Variants in UBE2E2 observed in about 807,000 individuals in gnomAD.
UBE2E2 encodes the protein ubiquitin-conjugating enzyme E2 E2.
Under a neutral mutation model 24.7 loss-of-function variants are expected in UBE2E2, and 6 were observed. The ratio of observed to expected loss-of-function variants is 0.24; its 90% CI spans 0.13 to 0.48. The LOEUF (loss-of-function observed/expected upper bound fraction) is 0.48, where lower values mean the gene tolerates loss of function less well. UBE2E2 is among the 20% of genes least tolerant of loss of function. The pLI is 0.99. For missense variants in UBE2E2, 169 were observed against 245.0 expected, an observed-to-expected ratio of 0.69 and a Z score of 2.07; for synonymous variants, 104 against 83.6, an observed-to-expected ratio of 1.24 and a Z score of -1.33.
chr3:23,472,922 G>T (rs1699058893), intron 3 of UBE2E2, among the ~76,000 whole-genome samples: 2 of 151,988 alleles, frequency 1.3e-5, no homozygotes, highest in South Asian at 4.1e-4. Flanking sequence ...CAGACTGCTG[G>T]AATTACAGGC....
At position 23,347,192 on chromosome 3, in the gene UBE2E2, C is replaced by A. The variant is rs545929053; in HGVS notation, c.227+129880C>A. On this transcript the variant is annotated intron_variant, in intron 3 of 5. Transcript: ENST00000396703. ...CTAGAAATACATTTGACCCAGCCAT[C>A]CCATTACTGGGTGTATACCCAAAGG... Among the ~76,000 whole-genome samples, 4 of 152,318 alleles carry A rather than the reference C, an allele frequency of 2.6e-5. No homozygotes were observed. In the South Asian group the frequency reaches 8.3e-4, roughly 32 times the overall value.
rs1299328925 is a variant in UBE2E2 at position 23,407,508 on chromosome 3, G to A, written c.228-92100G>A. 1.3e-5 allele frequency among the ~76,000 whole-genome samples: 2 copies of A among 151,954 alleles called. No individual in the cohort carries two copies. The highest frequency in any genetic ancestry group is 2.4e-5 in the African/African-American group (1 of 41,360). ...TGTAAAGAATTGATCCCCTGCTCCCGTACTCATCCCTCTTCTTTCACTACC... is the reference window on the plus strand; with the variant it reads ...TGTAAAGAATTGATCCCCTGCTCCCATACTCATCCCTCTTCTTTCACTACC... On this transcript the variant is annotated intron_variant, in intron 3 of 5. Coordinates refer to ENST00000396703, the MANE Select transcript of UBE2E2 (RefSeq NM_152653.4). The surrounding 1 kb of genome is among the most constrained non-coding windows in gnomAD (Gnocchi z 4.0).
chr3:23,485,634 G>T (rs1318617220), intron 3 of UBE2E2, among the ~76,000 whole-genome samples: 3 of 152,190 alleles, frequency 2.0e-5, no homozygotes, highest in Non-Finnish European at 4.4e-5. Flanking sequence ...CACTGTTTCA[G>T]AGTATGTGGG....
intron 3 of UBE2E2, among the ~76,000 whole-genome samples, chr3:23,341,622 G>GT (rs1442708243): frequency 6.6e-6 from 1 of 152,100 alleles, no homozygotes; most frequent in African/African-American, 2.4e-5. Context: ...TTTTAAAACT[G>GT]TGTCTCCCAC....
chr3:23,323,316 T>C (rs1361109363), intron 3 of UBE2E2, among the ~76,000 whole-genome samples: 5 of 152,098 alleles, frequency 3.3e-5, no homozygotes, highest in Non-Finnish European at 5.9e-5. Context: ...TATTTTTATG[T>C]TACTGGTTAG....
intron 3 of UBE2E2, among the ~76,000 whole-genome samples, chr3:23,419,505 A>G (rs184072295): frequency 2.6e-5 from 4 of 152,346 alleles, no homozygotes; most frequent in South Asian, 4.1e-4. Context: ...AGGACTTCAA[A>G]TAACACAGAG....
At chr3:23,390,346 G>T (rs951740024) in intron 3 of UBE2E2, among the ~76,000 whole-genome samples, 6 of 152,182 alleles carry the variant, frequency 3.9e-5, no homozygotes, top group Non-Finnish European at 7.3e-5. Context: ...ATCAAGAGGA[G>T]TCGCAGCACT....
At chr3:23,454,015 A>T (rs937315649) in intron 3 of UBE2E2, among the ~76,000 whole-genome samples, 11 of 152,310 alleles carry the variant, frequency 7.2e-5, no homozygotes, top group African/African-American at 2.2e-4. Context: ...GCATTCTGAG[A>T]TATTTGCATA....
intron 5 of UBE2E2, among the ~76,000 whole-genome samples, chr3:23,561,982 A>G (rs963944299): frequency 3.6e-4 from 55 of 152,042 alleles, no homozygotes; most frequent in Non-Finnish European, 5.4e-4. Flanking sequence ...AGACAATGGG[A>G]TTTTCTAGAT....
intron 3 of UBE2E2, among the ~76,000 whole-genome samples, chr3:23,454,974 A>G (rs75190282): frequency 1.5e-3 from 231 of 152,300 alleles, no homozygotes; most frequent in African/African-American, 5.3e-3. Context: ...ATTGAAGCCA[A>G]GTGTGGGGAC....
chr3:23,324,479 CCT>C (rs1232237250), intron 3 of UBE2E2, among the ~76,000 whole-genome samples: 1 of 152,046 alleles, frequency 6.6e-6, no homozygotes, highest in Non-Finnish European at 1.5e-5. Flanking sequence ...CTCTGCCTTT[CCT>C]CTCTTTCTTT....
chr3:23,540,442 T>C (rs1695368580), intron 5 of UBE2E2, among the ~76,000 whole-genome samples: 1 of 152,000 alleles, frequency 6.6e-6, no homozygotes, highest in Admixed American at 6.6e-5. Flanking sequence ...TTTCACTCTG[T>C]CTCCCAGGCT....
intron 3 of UBE2E2, among the ~76,000 whole-genome samples, chr3:23,276,978 G>A (rs995953982): frequency 4.6e-5 from 7 of 152,076 alleles, no homozygotes; most frequent in African/African-American, 1.7e-4. Flanking sequence ...AAAAATGTGA[G>A]CTAATGTAAG....
Position 23,590,072 on chromosome 3 carries a change from T to C in UBE2E2, c.*241T>C. The C allele has an allele frequency of 2.4e-6, 1 of 424,392 alleles. No homozygotes were observed. The highest frequency in any genetic ancestry group is 4.2e-6 in the Non-Finnish European group (1 of 238,044). The allele number at this position is 424,392 out of a possible 1,614,324, so 26.3% of individuals were successfully genotyped here. Reference sequence around the variant, plus strand: ...TGTTGATTTCTGTTAACTTGAAAGATTTGGGATTTTTTCCCACCTCATCAT... The same window carrying C: ...TGTTGATTTCTGTTAACTTGAAAGACTTGGGATTTTTTCCCACCTCATCAT... On this transcript the variant is annotated 3_prime_UTR_variant, in exon 6 of 6. Coordinates refer to ENST00000396703, the MANE Select transcript of UBE2E2 (RefSeq NM_152653.4).
chr3:23,565,444 C>CTT (rs574461544), intron 5 of UBE2E2, among the ~76,000 whole-genome samples: 1,371 of 46,256 alleles, frequency 0.03, 380 homozygotes, highest in African/African-American at 0.076. Flanking sequence ...ATAGGCATGG[C>CTT]TTTTTTTTTT....
rs1411383432 is a variant in UBE2E2 at position 23,291,073 on chromosome 3, AAAAAAAAAC to A, written c.227+73768_227+73776del. Among the ~76,000 whole-genome samples the A allele has an allele frequency of 2.1e-5, 3 of 145,570 alleles. No individual in the cohort carries two copies. In the East Asian group the frequency reaches 6.1e-4, roughly 30 times the overall value. On this transcript the variant is annotated intron_variant, in intron 3 of 5. Coordinates refer to ENST00000396703, the MANE Select transcript of UBE2E2 (RefSeq NM_152653.4). The stretch of plus-strand genomic sequence containing the variant: ...GACAGAGCAAGACCCTGTCTTTAAA[AAAAAAAAAC>A]AAAAAACGTGAGCCTAGGGCTGCTT...
chr3:23,258,003 T>C (rs1340046050), intron 3 of UBE2E2, among the ~76,000 whole-genome samples: 1 of 151,968 alleles, frequency 6.6e-6, no homozygotes, highest in Admixed American at 6.6e-5. Flanking sequence ...TAAAAAAAGG[T>C]TAATGAGAAG....
At chr3:23,220,788 A>G (rs1403939784) in intron 3 of UBE2E2, among the ~76,000 whole-genome samples, 1 of 152,218 alleles carries the variant, frequency 6.6e-6, no homozygotes, top group Non-Finnish European at 1.5e-5. Context: ...TCTAACAGGT[A>G]GATTCACTGC....
chr3:23,516,517 G>A (rs1282058107), intron 4 of UBE2E2, among the ~76,000 whole-genome samples: 3 of 152,134 alleles, frequency 2.0e-5, no homozygotes, highest in Admixed American at 1.3e-4. Flanking sequence ...TCAGTATAAA[G>A]TAAGCAGATG....
Sources: gnomAD v4.1 joint callset for allele counts (sites outside exome capture counted in the v4.1 genomes callset) on GRCh38, gnomAD v4.1.1 for gene constraint, Gnocchi (gnomAD v3.1) non-coding constraint, MANE v1.5 for transcripts, NCBI Gene and HGNC (gene_info 2026-07-23, HGNC 2026-07-21) for gene names.